The following LTBP1 variants were observed in gnomAD, a reference collection of about 807,000 sequenced individuals.
LTBP1 encodes the protein latent transforming growth factor beta binding protein 1.
LTBP1 carries 129 observed loss-of-function variants against 207.6 expected under a neutral mutation model. That is an observed-to-expected ratio of 0.62 (90% confidence interval 0.54 to 0.72). The LOEUF (loss-of-function observed/expected upper bound fraction) is 0.72, where lower values mean the gene tolerates loss of function less well. LTBP1 is among the 30% of genes least tolerant of loss of function. LTBP1 has a pLI of 0.00. For missense variants in LTBP1, 2,281 were observed against 2,217.2 expected (o/e 1.03, Z -0.58); for synonymous variants, 963 against 833.7 (o/e 1.16, Z -2.67).
intron 7 of LTBP1, among the ~76,000 whole-genome samples, chr2:33,193,069 GA>G (rs1285785011): frequency 1.3e-5 from 2 of 152,166 alleles, no homozygotes; most frequent in African/African-American, 4.8e-5. Context: ...GTCATTAGAT[GA>G]TATTTTGGAA....
chr2:33,339,638 T>A (rs1031093077), intron 24 of LTBP1, among the ~76,000 whole-genome samples: 3 of 152,074 alleles, frequency 2.0e-5, no homozygotes, highest in Non-Finnish European at 4.4e-5. Flanking sequence ...GGAAATAATT[T>A]CATTGATTTG....
chr2:33,170,218 A>G (rs1195274606), intron 5 of LTBP1, among the ~76,000 whole-genome samples: 1 of 152,222 alleles, frequency 6.6e-6, no homozygotes, highest in Non-Finnish European at 1.5e-5. Flanking sequence ...TCACTCGGGA[A>G]GCGCAAGGGG....
chr2:33,326,743 C>G (rs2094433546), intron 24 of LTBP1, among the ~76,000 whole-genome samples: 1 of 151,916 alleles, frequency 6.6e-6, no homozygotes. Context: ...ATTGCCGCCT[C>G]CGCCTCCTGG....
At chr2:33,240,645 C>CCT (rs1415429179) in intron 9 of LTBP1, among the ~76,000 whole-genome samples, 1 of 100,818 alleles carries the variant, frequency 9.9e-6, no homozygotes, top group Non-Finnish European at 2.0e-5. Flanking sequence ...TGGAAACATT[C>CCT]TTTTTTTTTT....
At chr2:33,203,875 T>G (rs1410284297) in intron 7 of LTBP1, among the ~76,000 whole-genome samples, 2 of 152,208 alleles carry the variant, frequency 1.3e-5, no homozygotes, top group African/African-American at 4.8e-5. Flanking sequence ...ATGACAGTTC[T>G]GAGCATGTTG....
rs183117583 is a variant in LTBP1 at position 33,296,122 on chromosome 2, A to G, written c.3235+2840A>G. Among the ~76,000 whole-genome samples the G allele has an allele frequency of 1.0e-3, 154 of 152,330 alleles. 1 individual carries two copies. The highest frequency in any genetic ancestry group is 3.6e-3 in the African/African-American group (151 of 41,570). The stretch of plus-strand genomic sequence containing the variant: ...ATTTCTTCCCCCATACACTGGATCA[A>G]TGGTGGATGAGGATCTCAAGCCTTA... On this transcript the variant is annotated intron_variant, in intron 20 of 33. Transcript: ENST00000404816.
At chr2:33,196,630 G>T (rs9308931) in intron 7 of LTBP1, among the ~76,000 whole-genome samples, 83,881 of 151,936 alleles carry the variant, frequency 0.55, 23,330 homozygotes, top group Middle Eastern at 0.61. Context: ...AGAAATGAAC[G>T]GTTCTGAATT....
At chr2:33,021,891 C>T (rs923780703) in intron 3 of LTBP1, among the ~76,000 whole-genome samples, 3 of 152,132 alleles carry the variant, frequency 2.0e-5, no homozygotes, top group Non-Finnish European at 4.4e-5. Flanking sequence ...TACAAGCAGC[C>T]ACTCAGCTGC....
At chr2:33,254,047 G>A (rs774337638) in intron 11 of LTBP1, among the ~76,000 whole-genome samples, 4 of 151,490 alleles carry the variant, frequency 2.6e-5, no homozygotes, top group African/African-American at 7.3e-5. Context: ...CCACCACCAC[G>A]CCTGGCTAAT....
chr2:33,347,580 G>A, intron 26 of LTBP1, 70 bp downstream of exon 26: 3 of 1,577,188 alleles, frequency 1.9e-6, no homozygotes. Flanking sequence ...CACAGCTTTG[G>A]GATAAACGCT....
intron 3 of LTBP1, among the ~76,000 whole-genome samples, chr2:33,089,205 T>C (rs1572581548): frequency 7.0e-6 from 1 of 142,076 alleles, no homozygotes; most frequent in South Asian, 2.3e-4. Flanking sequence ...GAAAAGAAAA[T>C]GTATGACAAA....
At chr2:33,121,874 T>C (rs1424749094) in intron 4 of LTBP1, among the ~76,000 whole-genome samples, 1 of 152,208 alleles carries the variant, frequency 6.6e-6, no homozygotes, top group Non-Finnish European at 1.5e-5. Context: ...TTAGTCTTTA[T>C]AGGAGAGAGA....
intron 3 of LTBP1, among the ~76,000 whole-genome samples, chr2:33,062,167 G>T (rs1341282006): frequency 1.3e-5 from 2 of 151,618 alleles, no homozygotes; most frequent in African/African-American, 4.9e-5. Context: ...TTTTCTTAAT[G>T]AGTTGGAATT....
intron 2 of LTBP1, among the ~76,000 whole-genome samples, chr2:33,007,242 A>G (rs1035293392): frequency 6.6e-6 from 1 of 152,156 alleles, no homozygotes; most frequent in African/African-American, 2.4e-5. Context: ...CGGCTTCTCA[A>G]AGTGCTGGGA....
intron 31 of LTBP1, among the ~76,000 whole-genome samples, chr2:33,367,617 T>C (rs974644533): frequency 6.6e-6 from 1 of 152,180 alleles, no homozygotes; most frequent in Non-Finnish European, 1.5e-5. Context: ...GACTTTCTGC[T>C]TCTGAGTAAT....
rs573057660 is a variant in LTBP1, at chr2:33,134,068, G to A, written c.1034-725G>A. On this transcript the variant is annotated intron_variant, in intron 4 of 33. Transcript: ENST00000404816. This position sits in a 1 kb window ranked among gnomAD's most constrained non-coding sequence, Gnocchi z 4.4. ...ATAGAGACAGTGAGAGCCCAAGGGT[G>A]TTATTTTTAGGGAGGCAACCATTTA... 2.4e-4 allele frequency among the ~76,000 whole-genome samples: 36 copies of A among 152,290 alleles called. No homozygotes were observed. The highest frequency in any genetic ancestry group is 6.7e-4 in the African/African-American group (28 of 41,562).
At chr2:33,041,265 CTG>C (rs1174036421) in intron 3 of LTBP1, among the ~76,000 whole-genome samples, 5 of 152,140 alleles carry the variant, frequency 3.3e-5, no homozygotes, top group Admixed American at 6.5e-5. Flanking sequence ...AAGATACAGA[CTG>C]TGTCTTTTCT....
chr2:33,021,390 G>A lies in LTBP1; in HGVS notation c.863+184G>A, dbSNP rs186599541. ...ACATGGAATCTCTTAAAAATATTTGGTGTGTGTATTTAGCCTCTGCAGGAA... is the reference window on the plus strand; with the variant it reads ...ACATGGAATCTCTTAAAAATATTTGATGTGTGTATTTAGCCTCTGCAGGAA... On this transcript the variant is annotated intron_variant, in intron 3 of 33. Coordinates refer to ENST00000404816, the MANE Select transcript of LTBP1 (RefSeq NM_206943.4). Among the ~76,000 whole-genome samples the A allele has an allele frequency of 4.3e-3, 654 of 152,160 alleles. 8 individuals are homozygous for A. The highest frequency in any genetic ancestry group is 0.014 in the Middle Eastern group (4 of 294).
At chr2:32,971,339 G>A (rs1269764070) in intron 2 of LTBP1, among the ~76,000 whole-genome samples, 1 of 152,148 alleles carries the variant, frequency 6.6e-6, no homozygotes, top group Non-Finnish European at 1.5e-5. Context: ...TTGAATAGGA[G>A]TGATGAGAGT....
Sources: allele counts gnomAD v4.1 joint callset (sites outside exome capture counted in the v4.1 genomes callset), GRCh38; gene constraint gnomAD v4.1.1; non-coding constraint Gnocchi (gnomAD v3.1); transcripts MANE v1.5; gene names NCBI Gene and HGNC (gene_info 2026-07-23, HGNC 2026-07-21).